Variants in LAMA2 observed in about 807,000 individuals in gnomAD.
LAMA2 encodes laminin subunit alpha-2.
Under a neutral mutation model 364.8 loss-of-function variants are expected in LAMA2, and 269 were observed. The observed-to-expected ratio is 0.74, with a 90% CI of 0.67 to 0.82. LAMA2 has a LOEUF of 0.82. Among genes scored for constraint, LAMA2 ranks in the 40% least tolerant of loss-of-function variants. The pLI is 0.00. For missense variants in LAMA2, 3,807 were observed against 3,873.2 expected, an observed-to-expected ratio of 0.98 and a Z score of 0.45; for synonymous variants, 1,379 against 1,370.6, an observed-to-expected ratio of 1.01 and a Z score of -0.14.
intron 1 of LAMA2, among the ~76,000 whole-genome samples, chr6:129,027,087 T>C (rs1785877760): frequency 6.6e-6 from 1 of 152,062 alleles, no homozygotes; most frequent in Non-Finnish European, 1.5e-5. Flanking sequence ...TGAAAGTTAA[T>C]TTCTTATAAA....
chr6:129,252,073 T>C lies in LAMA2; in HGVS notation c.1885-11T>C, dbSNP rs540137048. 3.1e-6 allele frequency: 5 copies of C among 1,596,168 alleles called. No individual in the cohort carries two copies. Among genetic ancestry groups the C allele is most frequent in the Admixed American group, 3.3e-5 (2 of 59,984 alleles). ...TTTACTCTTTTTTATTTCTTTTTTT[T>C]CCCCCTTTAGGGTAATGACTTGAGC... On this transcript the variant is annotated splice_polypyrimidine_tract_variant and intron_variant, in intron 13 of 64. Transcript: ENST00000421865.
intron 8 of LAMA2, chr6:129,158,931 A>G (rs1779294027): frequency 6.3e-7 from 1 of 1,599,220 alleles, no homozygotes; most frequent in African/African-American, 1.3e-5. Flanking sequence ...CAGTGCCCTC[A>G]GCAATAGCAC....
At chr6:129,013,298 G>T (rs1014305119) in intron 1 of LAMA2, among the ~76,000 whole-genome samples, 1 of 152,210 alleles carries the variant, frequency 6.6e-6, no homozygotes, top group Non-Finnish European at 1.5e-5. Context: ...TTAGCCCGGC[G>T]TGGTGGCGGG....
chr6:128,917,004 C>T (rs1209775209), intron 1 of LAMA2, among the ~76,000 whole-genome samples: 1 of 152,032 alleles, frequency 6.6e-6, no homozygotes, highest in Non-Finnish European at 1.5e-5. Flanking sequence ...TGACATTATC[C>T]TCACATTTGT....
chr6:129,388,252 T>A (rs1779129300), intron 35 of LAMA2, among the ~76,000 whole-genome samples: 2 of 105,414 alleles, frequency 1.9e-5, no homozygotes, highest in African/African-American at 2.7e-5. Context: ...CAAGACTCCA[T>A]CTCAAAAAAA....
At position 129,353,306 on chromosome 6, in the gene LAMA2, A is replaced by G. The variant is rs776140105; in HGVS notation, c.4666A>G (p.Lys1556Glu). 4.3e-6 allele frequency: 7 copies of G among 1,614,044 alleles called. No homozygotes were observed. Among genetic ancestry groups the G allele is most frequent in the Non-Finnish European group, 5.9e-6 (7 of 1,179,978 alleles). Reference sequence around the variant, plus strand: ...GTGCCGACCTGGAGCCACGGGAAGGAAGTGTGACGGCTGCAAGCACTGGCA... The same window carrying G: ...GTGCCGACCTGGAGCCACGGGAAGGGAGTGTGACGGCTGCAAGCACTGGCA... Reference protein sequence around the residue: ...CTCRPGATGRKCDGCKHWHAR... With the variant: ...CTCRPGATGRECDGCKHWHAR... Residue 1556 changes from lysine (K) to glutamate (E), a missense_variant, in exon 32 of 65, where the codon AAG becomes GAG. This residue lies in a region of LAMA2 where 3,333 missense variants were observed against 3,345.7 expected (regional missense o/e 1.00). Coordinates refer to ENST00000421865, the MANE Select transcript of LAMA2 (RefSeq NM_000426.4).
chr6:129,064,626 T>C (rs1490594016), intron 3 of LAMA2, among the ~76,000 whole-genome samples: 1 of 152,082 alleles, frequency 6.6e-6, no homozygotes, highest in Non-Finnish European at 1.5e-5. Flanking sequence ...CAAAGGATCA[T>C]AAGTGACTAC....
In LAMA2 at chr6:129,328,418, C is replaced by T. The variant is rs767743850; in HGVS notation, c.4311+6C>T. 1.9e-6 allele frequency: 3 copies of T among 1,614,100 alleles called. No homozygotes were observed. Among genetic ancestry groups the T allele is most frequent in the Non-Finnish European group, 2.5e-6 (3 of 1,180,006 alleles). ...CTGAAACATCGATATGCCAGGTAGT[C>T]CTCTGAGCCTTCCTTGAACAAGGTC... On this transcript the variant is annotated splice_donor_region_variant and intron_variant, in intron 29 of 64. Transcript: ENST00000421865.
intron 1 of LAMA2, among the ~76,000 whole-genome samples, chr6:128,993,078 G>A (rs568924829): frequency 3.3e-5 from 5 of 152,266 alleles, no homozygotes; most frequent in African/African-American, 1.2e-4. Flanking sequence ...GAGACACATT[G>A]TGAGATCTTT....
chr6:129,033,312 CAG>C (rs2114737590), intron 1 of LAMA2, among the ~76,000 whole-genome samples: 1 of 151,694 alleles, frequency 6.6e-6, no homozygotes, highest in South Asian at 2.1e-4. Context: ...TAATGTGGAA[CAG>C]TGTTTTTATG....
rs767841898 is a variant in LAMA2, at chr6:129,300,729, G to A, written c.3038-7G>A. On this transcript the variant is annotated splice_polypyrimidine_tract_variant and splice_region_variant and intron_variant, in intron 21 of 64. Transcript: ENST00000421865. Reference sequence around the variant, plus strand: ...CCTTCTTTGTTTTCCCTCTTATACCGGTGAAGCTTGTGAATGTTCTCATCT... The same window carrying A: ...CCTTCTTTGTTTTCCCTCTTATACCAGTGAAGCTTGTGAATGTTCTCATCT... The A allele has an allele frequency of 1.1e-5, 17 of 1,613,280 alleles. No individual in the cohort carries two copies. The highest frequency in any genetic ancestry group is 5.5e-5 in the South Asian group (5 of 91,066).
At chr6:129,194,275 C>T (rs1363748097) in intron 12 of LAMA2, among the ~76,000 whole-genome samples, 1 of 151,858 alleles carries the variant, frequency 6.6e-6, no homozygotes, top group Admixed American at 6.6e-5. Flanking sequence ...TTTCAGAGGC[C>T]TTATTTCTTA....
chr6:129,335,111 A>G (rs750957707), intron 29 of LAMA2, among the ~76,000 whole-genome samples: 74 of 152,166 alleles, frequency 4.9e-4, no homozygotes, highest in Non-Finnish European at 9.6e-4. Context: ...TTTTAAAGAA[A>G]CCCAGATCAC....
At chr6:128,976,663 A>T (rs1300617778) in intron 1 of LAMA2, among the ~76,000 whole-genome samples, 1 of 152,188 alleles carries the variant, frequency 6.6e-6, no homozygotes, top group Non-Finnish European at 1.5e-5. Context: ...TAATGAAAGG[A>T]GTGTGAAGTG....
intron 54 of LAMA2, 92 bp downstream of exon 54, chr6:129,478,905 A>G (rs1319836673): frequency 8.5e-7 from 1 of 1,178,622 alleles, no homozygotes; most frequent in Non-Finnish European, 1.3e-6. Context: ...TCTTTTGTTA[A>G]TATATTTTAC....
chr6:129,498,292 G>A lies in LAMA2; in HGVS notation c.8245-4367G>A, dbSNP rs1202819479. ...GAAAAGAAGTGAGCACAGAAGGAAA[G>A]AATAGAGGAAAGGAAAGCGATTTCC... On this transcript the variant is annotated intron_variant, in intron 58 of 64. Coordinates refer to ENST00000421865, the MANE Select transcript of LAMA2 (RefSeq NM_000426.4). 3.3e-5 allele frequency among the ~76,000 whole-genome samples: 5 copies of A among 152,220 alleles called. No homozygotes were observed. In the East Asian group the frequency reaches 7.7e-4, roughly 23 times the overall value.
chr6:128,940,742 A>C (rs1780102007), intron 1 of LAMA2, among the ~76,000 whole-genome samples: 1 of 152,166 alleles, frequency 6.6e-6, no homozygotes, highest in Non-Finnish European at 1.5e-5. Context: ...GCTTGAGCTC[A>C]GAAGTTCAAG....
chr6:129,044,186 A>ATG (rs1787304916), intron 1 of LAMA2, among the ~76,000 whole-genome samples: 5 of 135,798 alleles, frequency 3.7e-5, no homozygotes, highest in African/African-American at 1.6e-4. Context: ...ATATATATAT[A>ATG]TATACACACA....
intron 1 of LAMA2, among the ~76,000 whole-genome samples, chr6:128,935,354 TG>T (rs1779754525): frequency 1.3e-5 from 2 of 152,150 alleles, no homozygotes; most frequent in Non-Finnish European, 2.9e-5. Context: ...CTGAGAATGT[TG>T]GTTTCCAGCT....
Sources: allele counts gnomAD v4.1 joint callset (sites outside exome capture counted in the v4.1 genomes callset), GRCh38; gene constraint gnomAD v4.1.1; regional missense constraint gnomAD v4.1.1; transcripts MANE v1.5; gene names NCBI Gene and HGNC (gene_info 2026-07-23, HGNC 2026-07-21).